The following CNTN4 variants were observed in gnomAD, a reference collection of about 807,000 sequenced individuals.
The protein encoded by CNTN4 is contactin-4.
In CNTN4, 77 loss-of-function variants were observed where a neutral mutation model predicts 122.5. The ratio of observed to expected loss-of-function variants is 0.63; its 90% CI spans 0.52 to 0.76. The LOEUF is 0.76. Among genes scored for constraint, CNTN4 ranks in the 30% least tolerant of loss-of-function variants. The pLI is 0.00. For missense variants in CNTN4, 1,256 were observed against 1,259.1 expected (o/e 1.00, Z 0.04); for synonymous variants, 512 against 447.0 (o/e 1.15, Z -1.83).
At chr3:2,817,232 A>G (rs922433160) in intron 6 of CNTN4, among the ~76,000 whole-genome samples, 1 of 152,222 alleles carries the variant, frequency 6.6e-6, no homozygotes, top group Non-Finnish European at 1.5e-5. Context: ...GACAGAAGAA[A>G]CATAATGACT....
intron 3 of CNTN4, among the ~76,000 whole-genome samples, chr3:2,341,780 AATTTG>A (rs1466269506): frequency 2.0e-5 from 3 of 152,260 alleles, no homozygotes; most frequent in African/African-American, 7.2e-5. Context: ...AGCACTTAAA[AATTTG>A]GAGATTTTAC....
Position 2,813,317 on chromosome 3 carries a change from TAACAAAGGG to T in CNTN4, c.359-6165_359-6157del, listed in dbSNP as rs1401371094. On this transcript the variant is annotated intron_variant, in intron 6 of 24. Coordinates refer to ENST00000418658, the MANE Select transcript of CNTN4 (RefSeq NM_175607.3). ...GATTGCGTCTTTTAAAAGGAAGCAA[TAACAAAGGG>T]AACTGGTGCTGACAATTTCTTGTTC... Among the ~76,000 whole-genome samples the T allele has an allele frequency of 2.0e-5, 3 of 152,264 alleles. No homozygotes were observed. In the East Asian group the frequency reaches 5.8e-4, roughly 29 times the overall value.
intron 6 of CNTN4, among the ~76,000 whole-genome samples, chr3:2,818,816 T>C (rs578243051): frequency 6.6e-6 from 1 of 152,328 alleles, no homozygotes; most frequent in Non-Finnish European, 1.5e-5. Context: ...CAGTACCTTC[T>C]AAATATTTCA....
chr3:2,300,123 T>G (rs922992610), intron 2 of CNTN4, among the ~76,000 whole-genome samples: 2 of 152,188 alleles, frequency 1.3e-5, no homozygotes, highest in Admixed American at 1.3e-4. Context: ...TGAGATAGAT[T>G]ATTTATAGCC....
chr3:2,234,156 A>T (rs2039590881), intron 2 of CNTN4, among the ~76,000 whole-genome samples: 1 of 152,090 alleles, frequency 6.6e-6, no homozygotes, highest in African/African-American at 2.4e-5. Flanking sequence ...AGGCGAGTGG[A>T]TCACTTGAGG....
chr3:2,884,214 T>C (rs1268440787), intron 9 of CNTN4, among the ~76,000 whole-genome samples: 1 of 152,144 alleles, frequency 6.6e-6, no homozygotes, highest in Non-Finnish European at 1.5e-5. Context: ...GCTGGGATTA[T>C]AGTCCCTAGC....
intron 3 of CNTN4, among the ~76,000 whole-genome samples, chr3:2,445,561 T>C (rs2048595851): frequency 6.6e-6 from 1 of 152,190 alleles, no homozygotes; most frequent in African/African-American, 2.4e-5. Flanking sequence ...AATTTTCTTA[T>C]AATTCTCTTT....
intron 3 of CNTN4, among the ~76,000 whole-genome samples, chr3:2,447,721 G>T (rs759522542): frequency 6.6e-6 from 1 of 151,956 alleles, no homozygotes; most frequent in Non-Finnish European, 1.5e-5. Context: ...CATATACTCA[G>T]TATGAATATT....
At chr3:2,122,396 A>G (rs1172690299) in intron 2 of CNTN4, among the ~76,000 whole-genome samples, 2 of 152,178 alleles carry the variant, frequency 1.3e-5, no homozygotes, top group Non-Finnish European at 2.9e-5. Context: ...AAATGATGGC[A>G]TGGAATATTT....
At chr3:2,618,071 C>A (rs2081842783) in intron 4 of CNTN4, among the ~76,000 whole-genome samples, 2 of 152,024 alleles carry the variant, frequency 1.3e-5, no homozygotes, top group Admixed American at 1.3e-4. Flanking sequence ...TAGGACAGTG[C>A]CTTAAACACT....
chr3:2,574,841 CT>C (rs200712762), intron 4 of CNTN4, among the ~76,000 whole-genome samples: 4 of 151,092 alleles, frequency 2.6e-5, no homozygotes, highest in East Asian at 1.9e-4. Flanking sequence ...GTCTCCCAGT[CT>C]TTTTTTTTCA....
At chr3:2,370,027 C>T (rs1330906302) in intron 3 of CNTN4, among the ~76,000 whole-genome samples, 1 of 152,116 alleles carries the variant, frequency 6.6e-6, no homozygotes, top group Non-Finnish European at 1.5e-5. Context: ...GGAACACAGC[C>T]TTGCCAACAC....
In CNTN4 at chr3:2,524,569, A is replaced by G. The variant is rs555724321; in HGVS notation, c.-88-46847A>G. On this transcript the variant is annotated intron_variant, in intron 3 of 24. Coordinates refer to ENST00000418658, the MANE Select transcript of CNTN4 (RefSeq NM_175607.3). ...AAATACAGTGGATGTAACTAAAGAG[A>G]ATATGGAAATGGCTATAAACGAAAA... is the stretch of plus-strand genomic sequence containing the variant. Among the ~76,000 whole-genome samples, 43 of 152,262 alleles carry G rather than the reference A, an allele frequency of 2.8e-4. No individual in the cohort carries two copies. In the South Asian group the frequency reaches 8.9e-3, roughly 32 times the overall value.
chr3:2,346,373 C>G (rs1283753985), intron 3 of CNTN4, among the ~76,000 whole-genome samples: 1 of 151,956 alleles, frequency 6.6e-6, no homozygotes, highest in Non-Finnish European at 1.5e-5. Context: ...CTTTTTCTTC[C>G]TCTTAGTAAT....
At chr3:3,027,878 G>A (rs1230932788) in intron 15 of CNTN4, among the ~76,000 whole-genome samples, 1 of 152,196 alleles carries the variant, frequency 6.6e-6, no homozygotes, top group Non-Finnish European at 1.5e-5. Context: ...CTTTTGTAAA[G>A]ACAGCTGTCC....
intron 3 of CNTN4, among the ~76,000 whole-genome samples, chr3:2,472,924 T>C (rs532693485): frequency 2.9e-4 from 44 of 152,246 alleles, no homozygotes; most frequent in African/African-American, 1.0e-3. Flanking sequence ...AATAAGTGAT[T>C]AAATTGAATT....
intron 5 of CNTN4, among the ~76,000 whole-genome samples, chr3:2,743,065 T>C (rs1057475333): frequency 3.9e-5 from 6 of 152,212 alleles, no homozygotes; most frequent in African/African-American, 1.4e-4. Context: ...ATGACTAGTG[T>C]AGGAAAACCT....
intron 2 of CNTN4, among the ~76,000 whole-genome samples, chr3:2,220,744 T>C (rs1488901281): frequency 6.6e-6 from 1 of 152,088 alleles, no homozygotes; most frequent in Non-Finnish European, 1.5e-5. Context: ...CTGTAGCATA[T>C]AGAAAGTACT....
intron 4 of CNTN4, among the ~76,000 whole-genome samples, chr3:2,683,055 C>T (rs1376715355): frequency 1.3e-5 from 2 of 152,106 alleles, no homozygotes; most frequent in African/African-American, 4.8e-5. Flanking sequence ...GACATTTTCT[C>T]TCCTTAGATT....
Sources: gnomAD v4.1 joint callset for allele counts (sites outside exome capture counted in the v4.1 genomes callset) on GRCh38, gnomAD v4.1.1 for gene constraint, MANE v1.5 for transcripts, NCBI Gene and HGNC (gene_info 2026-07-23, HGNC 2026-07-21) for gene names.